The following RILPL1 variants were observed in gnomAD, a reference collection of about 807,000 sequenced individuals.
RILPL1 encodes RILP-like protein 1.
RILPL1 carries 33 observed loss-of-function variants against 50.3 expected under a neutral mutation model. That is an observed-to-expected ratio of 0.66 (90% CI 0.50 to 0.88). The LOEUF is 0.88. RILPL1 is among the 40% of genes least tolerant of loss of function. The pLI, the probability that RILPL1 is intolerant of heterozygous loss-of-function variation, is 0.00. For synonymous variants in RILPL1, 205 were observed against 228.6 expected (o/e 0.90, Z 0.93); for missense variants, 418 against 542.5 (o/e 0.77, Z 2.28).
chr12:123,495,717 G>A (rs796936205), intron 4 of RILPL1, among the ~76,000 whole-genome samples: 20 of 121,976 alleles, frequency 1.6e-4, no homozygotes, highest in African/African-American at 5.1e-4. Flanking sequence ...GTCTCGCTCC[G>A]TTGCCCAGGC....
At chr12:123,521,836 G>A (rs1293871499) in intron 2 of RILPL1, among the ~76,000 whole-genome samples, 1 of 150,784 alleles carries the variant, frequency 6.6e-6, no homozygotes, top group South Asian at 2.1e-4. Context: ...GCAGTGCTGC[G>A]ATCTCAGCTC....
intron 6 of RILPL1, among the ~76,000 whole-genome samples, chr12:123,476,594 G>A (rs1188178278): frequency 1.3e-5 from 2 of 152,132 alleles, no homozygotes; most frequent in African/African-American, 2.4e-5. Context: ...GAAGGTGGAA[G>A]TGGATACTGA....
chr12:123,520,553 C>T (rs548047813), intron 2 of RILPL1, among the ~76,000 whole-genome samples: 32 of 152,226 alleles, frequency 2.1e-4, no homozygotes, highest in African/African-American at 4.3e-4. Context: ...AGTGAGACTC[C>T]GTCTCAAAAC....
intron 2 of RILPL1, among the ~76,000 whole-genome samples, chr12:123,521,676 T>TGTGG (rs1336801958): frequency 4.3e-5 from 1 of 23,498 alleles, no homozygotes; most frequent in African/African-American, 9.1e-5. Context: ...TATATAAATA[T>TGTGG]ATATATATAC....
At chr12:123,477,337 C>CTTTTTTTTTT (rs371346379) in intron 6 of RILPL1, among the ~76,000 whole-genome samples, 3 of 105,336 alleles carry the variant, frequency 2.8e-5, no homozygotes, top group East Asian at 3.7e-4. Flanking sequence ...TTCTTTCTTT[C>CTTTTTTTTTT]TTTTTTTTTT....
chr12:123,507,669 C>T (rs954627361), intron 2 of RILPL1, among the ~76,000 whole-genome samples: 1 of 151,904 alleles, frequency 6.6e-6, no homozygotes, highest in Admixed American at 6.6e-5. Flanking sequence ...AGGCCGTGCA[C>T]GGTGGCTCAC....
At chr12:123,481,354 C>G (rs9697330) in intron 6 of RILPL1, among the ~76,000 whole-genome samples, 124,294 of 147,010 alleles carry the variant, frequency 0.85, 52,711 homozygotes, top group East Asian at 1. Flanking sequence ...GTGAGACTCC[C>G]TCTCAAAAAA....
chr12:123,513,189 A>G (rs548281092), intron 2 of RILPL1, among the ~76,000 whole-genome samples: 1 of 150,088 alleles, frequency 6.7e-6, no homozygotes, highest in East Asian at 2.0e-4. Context: ...GAGTGGGTGT[A>G]TGTGTGTGTC....
rs532670455 is a variant in RILPL1, at chr12:123,530,981, G to A, written c.309+2193C>T. Among the ~76,000 whole-genome samples, 8 of 148,734 alleles carry A rather than the reference G, an allele frequency of 5.4e-5. 1 individual carries two copies. In the East Asian group the frequency reaches 1.4e-3, roughly 27 times the overall value. On this transcript the variant is annotated intron_variant, in intron 1 of 6. Coordinates refer to ENST00000376874, the MANE Select transcript of RILPL1 (RefSeq NM_178314.5). ...TACTGGAGCCATAATTGCTGAAAGCGAGAGAGACAAGGAAGAAGGGGTAGG... is the reference window on the plus strand; with the variant it reads ...TACTGGAGCCATAATTGCTGAAAGCAAGAGAGACAAGGAAGAAGGGGTAGG...
chr12:123,503,186 C>CTTTTTTTTTTTTTTTTTTTTT lies in RILPL1; in HGVS notation c.461-3671_461-3651dup, dbSNP rs373514624. Among the ~76,000 whole-genome samples the CTTTTTTTTTTTTTTTTTTTTT allele has an allele frequency of 2.5e-5, 2 of 80,742 alleles. 1 individual carries two copies. The allele number at this position is 80,742 out of a possible 152,430, so 53.0% of individuals were successfully genotyped here. A position where few individuals can be genotyped will look rare whatever the true frequency, so the allele number is the denominator to read the frequency against. ...ACAGGCGTGAACCACCACGCCTGGCCTTTTTTTTTTTTTTTTTTTTTTTTT... is the reference window on the plus strand; with the variant it reads ...ACAGGCGTGAACCACCACGCCTGGCCTTTTTTTTTTTTTTTTTTTTTTTTTTTTTTTTTTTTTTTTTTTTTT... On this transcript the variant is annotated intron_variant, in intron 2 of 6. Transcript: ENST00000376874.
At chr12:123,496,186 G>C (rs570168400) in intron 4 of RILPL1, among the ~76,000 whole-genome samples, 1 of 151,610 alleles carries the variant, frequency 6.6e-6, no homozygotes, top group African/African-American at 2.4e-5. Context: ...GCTAATTTTT[G>C]TATTTTTAGT....
At chr12:123,490,179 T>G (rs75508112) in intron 4 of RILPL1, among the ~76,000 whole-genome samples, 6,795 of 152,004 alleles carry the variant, frequency 0.045, 205 homozygotes, top group Non-Finnish European at 0.068. Flanking sequence ...GCCTTGCCTC[T>G]CCTGTGTCTC....
At position 123,498,498 on chromosome 12, in the gene RILPL1, C is replaced by T; in HGVS notation, c.801+46G>A. The T allele has an allele frequency of 6.4e-7, 1 of 1,574,044 alleles. No homozygotes were observed. The highest frequency in any genetic ancestry group is 8.7e-7 in the Non-Finnish European group (1 of 1,147,810). On this transcript the variant is annotated intron_variant, in intron 4 of 6. Coordinates refer to ENST00000376874, the MANE Select transcript of RILPL1 (RefSeq NM_178314.5). The surrounding 1 kb of genome is among the most constrained non-coding windows in gnomAD (Gnocchi z 4.3). The stretch of plus-strand genomic sequence containing the variant: ...ACCCTGCCTGCCTTAAGCCAACCCC[C>T]AGACTGACCCTCTGCTACCACCTCT...
intron 2 of RILPL1, among the ~76,000 whole-genome samples, chr12:123,516,062 G>GAAAAAAAAAAAAAAA (rs1884677663): frequency 2.1e-5 from 2 of 93,460 alleles, no homozygotes; most frequent in Non-Finnish European, 4.5e-5. Flanking sequence ...AAAAAAAAAT[G>GAAAAAAAAAAAAAAA]CCCCGAGATG....
At chr12:123,520,045 G>A (rs530151010) in intron 2 of RILPL1, among the ~76,000 whole-genome samples, 5 of 152,352 alleles carry the variant, frequency 3.3e-5, no homozygotes, top group Admixed American at 2.0e-4. Context: ...AGTGTCAGAA[G>A]TTTAACATAG....
intron 6 of RILPL1, chr12:123,475,092 C>T (rs982976108): frequency 3.9e-5 from 6 of 154,308 alleles, no homozygotes; most frequent in African/African-American, 1.4e-4. Flanking sequence ...TAGAGTAATC[C>T]AGGCAATTAA....
intron 6 of RILPL1, among the ~76,000 whole-genome samples, chr12:123,481,187 T>C (rs970746915): frequency 2.6e-5 from 4 of 151,902 alleles, no homozygotes; most frequent in African/African-American, 9.7e-5. Flanking sequence ...TGAAACTCCG[T>C]CTCTACTAAA....
At position 123,498,148 on chromosome 12, in the gene RILPL1, C is replaced by T. The variant is rs1883147828; in HGVS notation, c.801+396G>A. Among the ~76,000 whole-genome samples the T allele has an allele frequency of 2.0e-5, 3 of 152,088 alleles. No individual in the cohort carries two copies. Among genetic ancestry groups the T allele is most frequent in the Admixed American group, 2.0e-4 (3 of 15,264 alleles). ...GGAGAATGCTGGGAGTCTGGGGTTC[C>T]AACCCCTCAGCTGTGTGTCCTCAGG... On this transcript the variant is annotated intron_variant, in intron 4 of 6. Transcript: ENST00000376874. This position sits in a 1 kb window ranked among gnomAD's most constrained non-coding sequence, Gnocchi z 4.3.
At position 123,522,575 on chromosome 12, in the gene RILPL1, T is replaced by G. The variant is rs561622367; in HGVS notation, c.460+920A>C. ...CCCTGTGACCTCATTTCCAGCCTCC[T>G]GAGGCCTCAATCATCTTCTGACACA... is the stretch of plus-strand genomic sequence containing the variant. On this transcript the variant is annotated intron_variant, in intron 2 of 6. Coordinates refer to ENST00000376874, the MANE Select transcript of RILPL1 (RefSeq NM_178314.5). This position sits in a 1 kb window ranked among gnomAD's most constrained non-coding sequence, Gnocchi z 4.0. Among the ~76,000 whole-genome samples, 2 of 152,278 alleles carry G rather than the reference T, an allele frequency of 1.3e-5. No individual in the cohort carries two copies. Among genetic ancestry groups the G allele is most frequent in the South Asian group, 4.2e-4 (2 of 4,818 alleles).
Sources: allele counts gnomAD v4.1 joint callset (sites outside exome capture counted in the v4.1 genomes callset), GRCh38; gene constraint gnomAD v4.1.1; non-coding constraint Gnocchi (gnomAD v3.1); transcripts MANE v1.5; gene names NCBI Gene and HGNC (gene_info 2026-07-23, HGNC 2026-07-21).